The following LNX1 variants were observed in gnomAD, a reference collection of about 807,000 sequenced individuals.
LNX1 encodes ligand of numb-protein X 1, also known as E3 ubiquitin-protein ligase LNX.
A neutral mutation model predicts 68.4 loss-of-function variants in LNX1; 54 were observed. That is an observed-to-expected ratio of 0.79 (90% CI 0.63 to 0.99). LNX1 has a LOEUF of 0.99. Among genes scored for constraint, LNX1 ranks in the 50% least tolerant of loss-of-function variants. The pLI is 0.00. For missense variants in LNX1, 906 were observed against 926.4 expected, an observed-to-expected ratio of 0.98 and a Z score of 0.29; for synonymous variants, 336 against 350.0, an observed-to-expected ratio of 0.96 and a Z score of 0.45.
rs769476127 is a variant in LNX1, at chr4:53,496,061, G to A, written c.1312C>T (p.Arg438Ter). The change falls in exon 6 of 11, where the codon CGA (arginine) becomes TGA (stop). Residue 438 changes from arginine (R) to a stop codon, truncating the protein, a stop_gained. Transcript: ENST00000263925. LOFTEE classifies it high-confidence loss of function. ...RVLAINGHDL[R>*]YGSPESAAHL... ...GCCGCACTTTCTGGGCTGCCATATC[G>A]AAGATCATGTCCATTGATGGCTAAC... 15 of 1,613,848 alleles carry A rather than the reference G, an allele frequency of 9.3e-6. No individual in the cohort carries two copies. The highest frequency in any genetic ancestry group is 4.5e-5 in the East Asian group (2 of 44,878).
Position 53,510,753 on chromosome 4 carries a change from G to A in LNX1, c.381-2526C>T, listed in dbSNP as rs553779855. Among the ~76,000 whole-genome samples, 5 of 152,324 alleles carry A rather than the reference G, an allele frequency of 3.3e-5. No individual in the cohort carries two copies. The East Asian group carries it at 9.6e-4, about 29-fold the overall frequency. On this transcript the variant is annotated intron_variant, in intron 2 of 10. Transcript: ENST00000263925. ...GGAAGTTCCTAGCTGGTCTGGAAAT[G>A]GTCTTTTCTGAGGAGGCAGCAATGC... is the stretch of plus-strand genomic sequence containing the variant.
intron 1 of LNX1, among the ~76,000 whole-genome samples, chr4:53,624,972 C>T (rs1734018746): frequency 6.6e-6 from 1 of 152,098 alleles, no homozygotes; most frequent in African/African-American, 2.4e-5. Flanking sequence ...CAACAATAAT[C>T]CTCTTTTACA....
At chr4:53,537,553 T>C (rs775129661) in intron 2 of LNX1, among the ~76,000 whole-genome samples, 6 of 152,158 alleles carry the variant, frequency 3.9e-5, no homozygotes, top group Non-Finnish European at 5.9e-5. Context: ...ATTTTTTATG[T>C]TCCTTTAGTA....
At chr4:53,637,889 C>A (rs1193874304) in intron 1 of LNX1, among the ~76,000 whole-genome samples, 1 of 152,170 alleles carries the variant, frequency 6.6e-6, no homozygotes, top group Non-Finnish European at 1.5e-5. Flanking sequence ...TAACTTCAAC[C>A]CAATGGACTC....
At chr4:53,648,175 C>A (rs1308051532) in intron 1 of LNX1, among the ~76,000 whole-genome samples, 2 of 152,234 alleles carry the variant, frequency 1.3e-5, no homozygotes, top group Non-Finnish European at 2.9e-5. Flanking sequence ...TGGTGAACCA[C>A]CATACCATGT....
At chr4:53,625,769 T>G (rs1014004395) in intron 1 of LNX1, among the ~76,000 whole-genome samples, 1 of 152,070 alleles carries the variant, frequency 6.6e-6, no homozygotes, top group Non-Finnish European at 1.5e-5. Flanking sequence ...ACTGCATCAC[T>G]GCACTCCAGC....
At chr4:53,531,349 TA>T (rs1728008477) in intron 2 of LNX1, among the ~76,000 whole-genome samples, 1 of 152,190 alleles carries the variant, frequency 6.6e-6, no homozygotes, top group African/African-American at 2.4e-5. Context: ...TTCTCTTAAG[TA>T]AATCACTTTA....
intron 2 of LNX1, among the ~76,000 whole-genome samples, chr4:53,548,238 G>T (rs186891479): frequency 6.6e-6 from 1 of 152,150 alleles, no homozygotes; most frequent in Admixed American, 6.5e-5. Flanking sequence ...TTCCTTCCAA[G>T]ACCAACTCCA....
chr4:53,491,010 G>A (rs9996883), intron 6 of LNX1, among the ~76,000 whole-genome samples: 58,900 of 151,944 alleles, frequency 0.39, 11,929 homozygotes, highest in South Asian at 0.59. Flanking sequence ...GTTAGGCAAG[G>A]TTTTATTCCA....
intron 9 of LNX1, among the ~76,000 whole-genome samples, chr4:53,468,800 TA>T (rs1722906741): frequency 6.6e-6 from 1 of 152,206 alleles, no homozygotes; most frequent in Admixed American, 6.5e-5. Context: ...CTATCCTAAA[TA>T]TATATGCACC....
chr4:53,464,624 G>T (rs1431030306), intron 9 of LNX1, among the ~76,000 whole-genome samples: 1 of 152,022 alleles, frequency 6.6e-6, no homozygotes, highest in Admixed American at 6.6e-5. Flanking sequence ...GAACAAACAG[G>T]TATAGCAATG....
At chr4:53,469,632 G>A (rs904018761) in intron 9 of LNX1, among the ~76,000 whole-genome samples, 6 of 152,094 alleles carry the variant, frequency 3.9e-5, no homozygotes, top group Non-Finnish European at 5.9e-5. Context: ...GAATCAAATA[G>A]ATGCAATAAA....
chr4:53,511,240 T>G (rs570708592), intron 2 of LNX1, among the ~76,000 whole-genome samples: 1 of 152,372 alleles, frequency 6.6e-6, no homozygotes, highest in East Asian at 1.9e-4. Flanking sequence ...CAGAGTGATC[T>G]ATGAAGGTAG....
intron 2 of LNX1, among the ~76,000 whole-genome samples, chr4:53,544,563 G>A (rs1315048195): frequency 6.6e-6 from 1 of 152,182 alleles, no homozygotes; most frequent in Non-Finnish European, 1.5e-5. Context: ...TGCTATCTGA[G>A]TAGAACCCAA....
chr4:53,480,471 T>TA (rs1035296356), intron 7 of LNX1, among the ~76,000 whole-genome samples: 2 of 152,210 alleles, frequency 1.3e-5, no homozygotes, highest in African/African-American at 4.8e-5. Context: ...GTTAATTGGA[T>TA]AAAAACTTCA....
rs374210959 is a variant in LNX1 at position 53,461,063 on chromosome 4, A to T, written c.2052-21T>A. 5.1e-5 allele frequency: 79 copies of T among 1,542,350 alleles called. 1 individual carries two copies. The highest frequency in any genetic ancestry group is 3.6e-4 in the South Asian group (29 of 80,890). On this transcript the variant is annotated intron_variant, in intron 10 of 10. Transcript: ENST00000263925. ...CACATCTAAAAAAAAAAACAAAACAAGATATGATTAGTATTTTAATTCGTT... is the reference window on the plus strand; with the variant it reads ...CACATCTAAAAAAAAAAACAAAACATGATATGATTAGTATTTTAATTCGTT...
intron 6 of LNX1, among the ~76,000 whole-genome samples, chr4:53,493,951 T>C (rs1724877087): frequency 6.6e-6 from 1 of 152,202 alleles, no homozygotes; most frequent in African/African-American, 2.4e-5. Flanking sequence ...CTGAGGTCCT[T>C]AGCATGGCTC....
intron 1 of LNX1, chr4:53,575,953 T>C: frequency 1.9e-6 from 3 of 1,564,192 alleles, no homozygotes; most frequent in Non-Finnish European, 2.6e-6. Context: ...GCCGCAGGAG[T>C]GGCTGGGTGC....
chr4:53,642,223 T>TAA (rs745476837), intron 1 of LNX1, among the ~76,000 whole-genome samples: 38 of 96,240 alleles, frequency 3.9e-4, no homozygotes, highest in African/African-American at 1.1e-3. Context: ...AATCCTATCT[T>TAA]AAAAAAAAAA....
Sources: gnomAD v4.1 joint callset for allele counts (sites outside exome capture counted in the v4.1 genomes callset) on GRCh38, gnomAD v4.1.1 for gene constraint, MANE v1.5 for transcripts, NCBI Gene and HGNC (gene_info 2026-07-23, HGNC 2026-07-21) for gene names.